The following KIF13B variants were observed in gnomAD, a reference collection of about 807,000 sequenced individuals.
The protein encoded by KIF13B is kinesin family member 13B.
A neutral mutation model predicts 222.0 loss-of-function variants in KIF13B; 127 were observed. That is an observed-to-expected ratio of 0.57 (90% CI 0.50 to 0.66). The LOEUF (loss-of-function observed/expected upper bound fraction) is 0.66. Among genes scored for constraint, KIF13B ranks in the 30% least tolerant of loss-of-function variants. The probability of loss-of-function intolerance (pLI) is 0.00; values close to 1 mark genes in which losing one functional copy is unlikely to be tolerated. For synonymous variants in KIF13B, 976 were observed against 919.0 expected (o/e 1.06, Z -1.12); for missense variants, 2,173 against 2,379.0 (o/e 0.91, Z 1.80).
chr8:29,140,463 C>T lies in KIF13B; in HGVS notation c.2484+5G>A. 1 of 1,612,348 alleles carries T rather than the reference C, an allele frequency of 6.2e-7. No individual in the cohort carries two copies. Among genetic ancestry groups the T allele is most frequent in the South Asian group, 1.1e-5 (1 of 90,696 alleles). The stretch of plus-strand genomic sequence containing the variant: ...CAGGAAACAAGGCATGAAGAGAAAA[C>T]CAACCTCTCCTTTCTGGTTGATGAT... On this transcript the variant is annotated splice_donor_5th_base_variant and intron_variant, in intron 20 of 39. Coordinates refer to ENST00000524189, the MANE Select transcript of KIF13B (RefSeq NM_015254.4).
At chr8:29,194,292 T>G (rs1404955379) in intron 3 of KIF13B, among the ~76,000 whole-genome samples, 5 of 18,556 alleles carry the variant, frequency 2.7e-4, no homozygotes, top group Admixed American at 5.8e-4. Flanking sequence ...ATTATTGGGT[T>G]TTTTTTTTTT....
chr8:29,136,038 G>A (rs943921954), intron 21 of KIF13B, among the ~76,000 whole-genome samples: 7 of 152,094 alleles, frequency 4.6e-5, no homozygotes, highest in African/African-American at 1.7e-4. Context: ...TCTTTTCTGT[G>A]ATGTCAACAG....
intron 14 of KIF13B, among the ~76,000 whole-genome samples, chr8:29,152,158 G>A (rs1360500565): frequency 6.6e-6 from 1 of 152,186 alleles, no homozygotes; most frequent in Non-Finnish European, 1.5e-5. Flanking sequence ...CTGAACTGCT[G>A]TGACCTCAAG....
intron 2 of KIF13B, among the ~76,000 whole-genome samples, chr8:29,215,667 GGAC>G (rs1282542609): frequency 1.3e-5 from 2 of 152,174 alleles, no homozygotes; most frequent in Non-Finnish European, 2.9e-5. Context: ...ACTCCAGCAG[GGAC>G]GACAAGGTGA....
intron 37 of KIF13B, among the ~76,000 whole-genome samples, chr8:29,084,952 A>G (rs1807977681): frequency 6.6e-6 from 1 of 152,206 alleles, no homozygotes; most frequent in Admixed American, 6.5e-5. Context: ...CATTTCTGGA[A>G]CTCAGACAGA....
chr8:29,101,927 C>A (rs1258090156), intron 35 of KIF13B, among the ~76,000 whole-genome samples: 1 of 152,040 alleles, frequency 6.6e-6, no homozygotes, highest in Non-Finnish European at 1.5e-5. Context: ...TTTTCTCCTG[C>A]ACTACAACCT....
rs1164204209 is a variant in KIF13B at position 29,071,947 on chromosome 8, C to T, written c.4891G>A (p.Gly1631Ser). Residue 1631 changes from glycine (G) to serine (S), a missense_variant, in exon 39 of 40, where the codon GGT becomes AGT. Gly to Ser is a moderately conservative substitution (Grantham distance 56). This residue lies in a region of KIF13B where 693 missense variants were observed against 656.2 expected (regional missense o/e 1.06). Transcript: ENST00000524189. The surrounding 1 kb of genome is among the most constrained non-coding windows in gnomAD (Gnocchi z 4.9). ...GCCTCGAGGTCGGGGCGCTCCCGAC[C>T]GGGGCTCACGAGCTGCTGGGGGCCA... ...PPGPQQLVSPGRERPDLEAPA... is the reference protein window; with the variant it reads ...PPGPQQLVSPSRERPDLEAPA... 19 of 1,368,908 alleles carry T rather than the reference C, an allele frequency of 1.4e-5. No homozygotes were observed. The highest frequency in any genetic ancestry group is 1.7e-5 in the Non-Finnish European group (18 of 1,068,368). The allele number at this position is 1,368,908 out of a possible 1,614,324, so 84.8% of individuals were successfully genotyped here.
chr8:29,105,255 GC>G (rs760106567), intron 35 of KIF13B, among the ~76,000 whole-genome samples: 2 of 151,698 alleles, frequency 1.3e-5, no homozygotes, highest in Non-Finnish European at 2.9e-5. Context: ...ACAAGCATGA[GC>G]CACCGCGCCC....
At chr8:29,136,093 G>A (rs1027221405) in intron 21 of KIF13B, among the ~76,000 whole-genome samples, 2 of 152,174 alleles carry the variant, frequency 1.3e-5, no homozygotes, top group Non-Finnish European at 2.9e-5. Flanking sequence ...GGCTATGAAA[G>A]ACAGATTGGC....
chr8:29,122,490 G>A (rs1809916157), intron 29 of KIF13B, 101 bp downstream of exon 29: 2 of 912,276 alleles, frequency 2.2e-6, no homozygotes. Context: ...TCTAGCCTTA[G>A]GGGGACAGAA....
Position 29,146,474 on chromosome 8 carries a change from C to T in KIF13B, c.2091G>A (p.Val697=), listed in dbSNP as rs763900864. Residue 697 remains valine (V), a synonymous_variant, in exon 18 of 40, where the codon GTG becomes GTA. Transcript: ENST00000524189. ...REQIVKANLL[V]REANYIAEEL... ...CCTCAGCAATGTAATTAGCTTCTCT[C>T]ACCAATAGATTGGCCTTAACAATTT... The T allele has an allele frequency of 1.9e-5, 30 of 1,613,750 alleles. No individual in the cohort carries two copies. Among genetic ancestry groups the T allele is most frequent in the Non-Finnish European group, 2.5e-5 (29 of 1,179,686 alleles).
intron 21 of KIF13B, among the ~76,000 whole-genome samples, chr8:29,135,186 G>T (rs1349502959): frequency 6.6e-6 from 1 of 152,098 alleles, no homozygotes; most frequent in Non-Finnish European, 1.5e-5. Flanking sequence ...TAGGACTACA[G>T]GTGTGTGTCA....
At chr8:29,129,112 T>C (rs1247307253) in intron 24 of KIF13B, among the ~76,000 whole-genome samples, 2 of 152,230 alleles carry the variant, frequency 1.3e-5, no homozygotes, top group African/African-American at 4.8e-5. Context: ...AGAACTTGCA[T>C]GATTTTTTCA....
intron 12 of KIF13B, among the ~76,000 whole-genome samples, chr8:29,163,128 T>C (rs1347030772): frequency 6.6e-6 from 1 of 152,218 alleles, no homozygotes; most frequent in Non-Finnish European, 1.5e-5. Context: ...AGGGACAATG[T>C]GGTATAGCAG....
intron 3 of KIF13B, among the ~76,000 whole-genome samples, chr8:29,192,463 C>T (rs1813231079): frequency 1.3e-5 from 2 of 152,050 alleles, no homozygotes; most frequent in South Asian, 4.2e-4. Context: ...GTTGCCCAGG[C>T]TGGTCTCAGA....
intron 21 of KIF13B, among the ~76,000 whole-genome samples, chr8:29,137,030 G>A (rs1810593247): frequency 6.6e-6 from 1 of 151,924 alleles, no homozygotes; most frequent in African/African-American, 2.4e-5. Context: ...TCGATCTCCT[G>A]ACCTTGTGAT....
At chr8:29,256,552 T>C (rs1024384927) in intron 1 of KIF13B, among the ~76,000 whole-genome samples, 11 of 152,198 alleles carry the variant, frequency 7.2e-5, no homozygotes, top group South Asian at 2.1e-4. Flanking sequence ...GGGAGCTCCT[T>C]TGATGGAAGA....
chr8:29,148,434 T>C, intron 16 of KIF13B, 143 bp downstream of exon 16: 1 of 452,528 alleles, frequency 2.2e-6, no homozygotes, highest in Non-Finnish European at 3.8e-6. Flanking sequence ...CGTCTTGCTA[T>C]GTTGCCCAGG....
chr8:29,251,038 C>G, intron 1 of KIF13B, among the ~76,000 whole-genome samples: 1 of 152,026 alleles, frequency 6.6e-6, no homozygotes, highest in East Asian at 1.9e-4. Context: ...GTAATCCCAG[C>G]TACTCGGGAG....
Sources: allele counts gnomAD v4.1 joint callset (sites outside exome capture counted in the v4.1 genomes callset), GRCh38; gene constraint gnomAD v4.1.1; regional missense constraint gnomAD v4.1.1; non-coding constraint Gnocchi (gnomAD v3.1); transcripts MANE v1.5; gene names NCBI Gene and HGNC (gene_info 2026-07-23, HGNC 2026-07-21).